Variants in IRAK1BP1 observed in about 807,000 individuals in gnomAD.
The protein encoded by IRAK1BP1 is interleukin 1 receptor associated kinase 1 binding protein 1.
IRAK1BP1 carries 24 observed loss-of-function variants against 28.0 expected under a neutral mutation model. That is an observed-to-expected ratio of 0.86 (90% CI 0.62 to 1.20). The LOEUF (loss-of-function observed/expected upper bound fraction) is 1.20, where lower values mean the gene tolerates loss of function less well. IRAK1BP1 is among the 50% of genes most tolerant of loss of function. The pLI is 0.00. For missense variants in IRAK1BP1, 336 were observed against 316.7 expected, an observed-to-expected ratio of 1.06 and a Z score of -0.46; for synonymous variants, 131 against 116.3, an observed-to-expected ratio of 1.13 and a Z score of -0.81.
intron 1 of IRAK1BP1, among the ~76,000 whole-genome samples, chr6:78,877,532 G>A (rs568622320): frequency 1.1e-4 from 16 of 152,292 alleles, no homozygotes; most frequent in Admixed American, 1.0e-3. Flanking sequence ...GGCCAAATAG[G>A]AACAGCTCCA....
chr6:78,919,862 A>G (rs1181827674), intron 4 of IRAK1BP1, among the ~76,000 whole-genome samples: 1 of 152,178 alleles, frequency 6.6e-6, no homozygotes, highest in East Asian at 1.9e-4. Flanking sequence ...GCTGGAAAAC[A>G]CATAATGAAA....
At chr6:78,970,250 A>G in the IRAK1BP1 span, 2 of 1,292,912 alleles carry the variant, frequency 1.5e-6, no homozygotes, top group Non-Finnish European at 2.2e-6. Flanking sequence ...TTGTTGAGAA[A>G]AAACTTCTTG....
chr6:78,962,860 T>A, the IRAK1BP1 span, among the ~76,000 whole-genome samples: 1 of 152,168 alleles, frequency 6.6e-6, no homozygotes, highest in Admixed American at 6.5e-5. Context: ...CAGAGATGCC[T>A]CTGGCACTTC....
intron 1 of IRAK1BP1, among the ~76,000 whole-genome samples, chr6:78,873,030 C>T (rs1581988675): frequency 1.3e-5 from 2 of 151,890 alleles, no homozygotes; most frequent in South Asian, 2.1e-4. Flanking sequence ...CTGAGGCAGG[C>T]GGATTACTTG....
In IRAK1BP1 at chr6:78,901,769, A is replaced by G. The variant is rs1772111335; in HGVS notation, c.*3435A>G. The G allele has an allele frequency of 6.6e-6, 1 of 152,196 alleles. No individual in the cohort carries two copies. Among genetic ancestry groups the G allele is most frequent in the Non-Finnish European group, 1.5e-5 (1 of 68,018 alleles). The allele number at this position is 152,196 out of a possible 1,614,324, so 9.4% of individuals were successfully genotyped here. A position where few individuals can be genotyped will look rare whatever the true frequency, so the allele number is the denominator to read the frequency against. ...TTTTTTATAGTGGCAATGTACTTTTATCAGTATTCTTATTTGACGGTCAAT... is the reference window on the plus strand; with the variant it reads ...TTTTTTATAGTGGCAATGTACTTTTGTCAGTATTCTTATTTGACGGTCAAT... On this transcript the variant is annotated 3_prime_UTR_variant, in exon 4 of 4. Transcript: ENST00000369940.
At chr6:78,962,529 T>C in the IRAK1BP1 span, among the ~76,000 whole-genome samples, 1 of 152,160 alleles carries the variant, frequency 6.6e-6, no homozygotes, top group Admixed American at 6.5e-5. Flanking sequence ...AATTTCTCTC[T>C]AGACTCTTTG....
chr6:78,944,852 T>G lies in IRAK1BP1; in HGVS notation c.*68-556T>G, dbSNP rs190897353. Among the ~76,000 whole-genome samples, 627 of 152,272 alleles carry G rather than the reference T, an allele frequency of 4.1e-3. 2 individuals carry two copies. The highest frequency in any genetic ancestry group is 0.014 in the African/African-American group (567 of 41,550). ...TTCTTCATCTTTCAAACATAAAGAC[T>G]TTACAATAAAAACCTGGAGGTGAAA... is the stretch of plus-strand genomic sequence containing the variant. On this transcript the variant is annotated intron_variant and NMD_transcript_variant, in intron 4 of 4. Coordinates refer to the IRAK1BP1 transcript ENST00000606868.
At chr6:78,916,974 G>T (rs539802663) in intron 4 of IRAK1BP1, among the ~76,000 whole-genome samples, 1 of 152,066 alleles carries the variant, frequency 6.6e-6, no homozygotes, top group Non-Finnish European at 1.5e-5. Context: ...AGTGTCTTCA[G>T]ATGAGAAGAA....
chr6:78,906,566 T>C (rs149657382), downstream of IRAK1BP1, among the ~76,000 whole-genome samples: 2 of 152,320 alleles, frequency 1.3e-5, no homozygotes, highest in Non-Finnish European at 2.9e-5. Context: ...TTTTGAAAAG[T>C]ACTGTACTAA....
At chr6:78,973,073 T>C in the IRAK1BP1 span, among the ~76,000 whole-genome samples, 2 of 151,964 alleles carry the variant, frequency 1.3e-5, no homozygotes, top group African/African-American at 2.4e-5. Flanking sequence ...GACACATAAT[T>C]GTCAGATTCA....
At chr6:78,963,075 A>G in the IRAK1BP1 span, 3 of 1,553,272 alleles carry the variant, frequency 1.9e-6, no homozygotes, top group South Asian at 3.7e-5. Flanking sequence ...TTTTTTCTAT[A>G]CTCGCGTGTT....
At chr6:78,969,247 A>G in the IRAK1BP1 span, among the ~76,000 whole-genome samples, 2 of 152,228 alleles carry the variant, frequency 1.3e-5, no homozygotes, top group Non-Finnish European at 2.9e-5. Flanking sequence ...ACAGACTGGT[A>G]TATCAATTGA....
the IRAK1BP1 span, among the ~76,000 whole-genome samples, chr6:78,977,764 G>A: frequency 6.6e-6 from 1 of 152,294 alleles, no homozygotes; most frequent in East Asian, 1.9e-4. Context: ...ATGTGGTAAT[G>A]TTCTGTGCTC....
intron 1 of IRAK1BP1, among the ~76,000 whole-genome samples, chr6:78,884,960 A>G (rs1320301086): frequency 9.2e-5 from 14 of 152,094 alleles, no homozygotes; most frequent in African/African-American, 3.1e-4. Context: ...TAGTACTGTC[A>G]TCACCCAATG....
At chr6:78,904,208 C>T (rs187399883), downstream of IRAK1BP1, among the ~76,000 whole-genome samples, 48 of 152,330 alleles carry the variant, frequency 3.2e-4, no homozygotes, top group African/African-American at 1.1e-3. Context: ...GCTTAGCTTT[C>T]TCAAAAAGTA....
At chr6:78,955,431 C>A in the IRAK1BP1 span, 2 of 622,904 alleles carry the variant, frequency 3.2e-6, no homozygotes, top group Non-Finnish European at 5.3e-6. Flanking sequence ...AAAGGTTCCC[C>A]CCATTAAAAA....
chr6:78,878,216 G>A (rs553882435), intron 1 of IRAK1BP1, among the ~76,000 whole-genome samples: 34 of 152,308 alleles, frequency 2.2e-4, no homozygotes, highest in Admixed American at 1.4e-3. Flanking sequence ...TCTGACCCCC[G>A]AGTAGCCTAA....
the IRAK1BP1 span, among the ~76,000 whole-genome samples, chr6:78,951,723 G>C: frequency 6.6e-6 from 1 of 152,176 alleles, no homozygotes; most frequent in Non-Finnish European, 1.5e-5. Context: ...ACATGTAAAA[G>C]ATGACTGCAT....
chr6:78,884,521 G>A (rs978387088), intron 1 of IRAK1BP1, among the ~76,000 whole-genome samples: 5 of 151,966 alleles, frequency 3.3e-5, no homozygotes, highest in Admixed American at 6.6e-5. Context: ...AAACCAAACT[G>A]GCTCAGGTTA....
Sources: gnomAD v4.1 joint callset for allele counts (sites outside exome capture counted in the v4.1 genomes callset) on GRCh38, gnomAD v4.1.1 for gene constraint, MANE v1.5 for transcripts, NCBI Gene and HGNC (gene_info 2026-07-23, HGNC 2026-07-21) for gene names.